The following LINGO2 variants were observed in gnomAD, a reference collection of about 807,000 sequenced individuals.
The protein encoded by LINGO2 is leucine-rich repeat and immunoglobulin-like domain-containing nogo receptor-interacting protein 2.
In LINGO2, 14 loss-of-function variants were observed where a neutral mutation model predicts 30.6. That is an observed-to-expected ratio of 0.46 (90% CI 0.30 to 0.72). The LOEUF is 0.72. Ranked by LOEUF, LINGO2 falls within the 30% of genes least tolerant of loss-of-function variation. LINGO2 has a pLI of 0.07. For missense variants in LINGO2, 729 were observed against 751.7 expected (o/e 0.97, Z 0.35); for synonymous variants, 317 against 288.5 (o/e 1.10, Z -1.00).
chr9:28,525,570 C>T (rs1820992842), intron 1 of LINGO2, among the ~76,000 whole-genome samples: 2 of 152,058 alleles, frequency 1.3e-5, no homozygotes, highest in Admixed American at 1.3e-4. Context: ...TCACAAAAGA[C>T]CACATATTGC....
At chr9:28,230,802 G>A (rs1382908663) in intron 4 of LINGO2, among the ~76,000 whole-genome samples, 1 of 151,676 alleles carries the variant, frequency 6.6e-6, no homozygotes, top group Admixed American at 6.6e-5. Context: ...ACAGTGCTTT[G>A]TTTTTTCAAC....
chr9:28,663,211 C>T (rs1207310873), intron 1 of LINGO2, among the ~76,000 whole-genome samples: 1 of 152,042 alleles, frequency 6.6e-6, no homozygotes, highest in Non-Finnish European at 1.5e-5. Context: ...CACTCTGTTG[C>T]CCAGGCTGGA....
chr9:27,953,863 G>C (rs1819435413), intron 5 of LINGO2, among the ~76,000 whole-genome samples: 1 of 152,080 alleles, frequency 6.6e-6, no homozygotes, highest in African/African-American at 2.4e-5. Flanking sequence ...ACATTTGTAT[G>C]AACATATTTT....
At chr9:28,848,289 A>G in the LINGO2 span, among the ~76,000 whole-genome samples, 5,572 of 60,156 alleles carry the variant, frequency 0.093, 789 homozygotes, top group African/African-American at 0.39. Flanking sequence ...TACACTATGC[A>G]TATATATATA....
chr9:28,087,887 T>C (rs955379007), intron 4 of LINGO2, among the ~76,000 whole-genome samples: 2 of 152,072 alleles, frequency 1.3e-5, no homozygotes, highest in Non-Finnish European at 2.9e-5. Context: ...CTACCTAAGA[T>C]ACTTTAGTAC....
chr9:28,897,617 C>T, the LINGO2 span, among the ~76,000 whole-genome samples: 1 of 152,056 alleles, frequency 6.6e-6, no homozygotes, highest in Non-Finnish European at 1.5e-5. Context: ...AATTCTGGCT[C>T]TGATATTTTC....
At chr9:28,504,620 C>T (rs1417897234) in intron 1 of LINGO2, among the ~76,000 whole-genome samples, 1 of 151,278 alleles carries the variant, frequency 6.6e-6, no homozygotes, top group East Asian at 1.9e-4. Context: ...AATGCATTAG[C>T]TTCATCATTA....
At chr9:28,728,619 G>A in the LINGO2 span, among the ~76,000 whole-genome samples, 2 of 151,746 alleles carry the variant, frequency 1.3e-5, no homozygotes, top group East Asian at 1.9e-4. Context: ...TATAATGGAC[G>A]GAAAAAAACA....
chr9:29,203,232 G>A, the LINGO2 span, among the ~76,000 whole-genome samples: 1 of 152,076 alleles, frequency 6.6e-6, no homozygotes, highest in African/African-American at 2.4e-5. Flanking sequence ...ACTTTAGTTA[G>A]ATAGAATGAG....
chr9:28,056,751 A>G (rs141899333), intron 4 of LINGO2, among the ~76,000 whole-genome samples: 1 of 152,186 alleles, frequency 6.6e-6, no homozygotes, highest in African/African-American at 2.4e-5. Flanking sequence ...CGTCACTTGC[A>G]ACTCCAAAGA....
At chr9:28,591,532 T>A (rs1284126970) in intron 1 of LINGO2, among the ~76,000 whole-genome samples, 3 of 152,038 alleles carry the variant, frequency 2.0e-5, no homozygotes. Context: ...TACTCAGAGA[T>A]TGTTAATAAC....
chr9:28,402,016 T>C (rs369264161), intron 2 of LINGO2, among the ~76,000 whole-genome samples: 2 of 152,186 alleles, frequency 1.3e-5, no homozygotes, highest in East Asian at 3.9e-4. Flanking sequence ...TTAAGTGTTC[T>C]TTAGATTGAA....
At chr9:28,761,438 A>G in the LINGO2 span, among the ~76,000 whole-genome samples, 1 of 151,598 alleles carries the variant, frequency 6.6e-6, no homozygotes, top group East Asian at 2.0e-4. Flanking sequence ...AAGAGCTTAA[A>G]GTTTGATAGA....
chr9:28,602,556 C>T (rs146448861), intron 1 of LINGO2, among the ~76,000 whole-genome samples: 26 of 151,958 alleles, frequency 1.7e-4, no homozygotes, highest in African/African-American at 5.1e-4. Flanking sequence ...TTCTTAAAAC[C>T]GCCTATGCAT....
intron 5 of LINGO2, among the ~76,000 whole-genome samples, chr9:27,958,194 A>T (rs1819671649): frequency 6.6e-6 from 1 of 152,214 alleles, no homozygotes; most frequent in Admixed American, 6.5e-5. Flanking sequence ...TTCTGTATCT[A>T]TGGAGATGAT....
chr9:28,286,303 A>G (rs772621360), intron 4 of LINGO2, among the ~76,000 whole-genome samples: 40 of 152,200 alleles, frequency 2.6e-4, no homozygotes, highest in South Asian at 4.1e-4. Flanking sequence ...AAAAAGTCAA[A>G]AAATAACAGA....
chr9:28,727,725 TAGAGTGGGA>T, the LINGO2 span, among the ~76,000 whole-genome samples: 1 of 152,234 alleles, frequency 6.6e-6, no homozygotes, highest in African/African-American at 2.4e-5. Context: ...TTTTGAAACA[TAGAGTGGGA>T]AGGCTGTAGT....
intron 4 of LINGO2, among the ~76,000 whole-genome samples, chr9:28,134,543 G>A (rs984200223): frequency 2.6e-5 from 4 of 152,236 alleles, no homozygotes; most frequent in Non-Finnish European, 4.4e-5. Context: ...AGGGCACCTG[G>A]CTGGTAAGTG....
At chr9:28,277,407 C>T (rs1823154896) in intron 4 of LINGO2, among the ~76,000 whole-genome samples, 1 of 152,096 alleles carries the variant, frequency 6.6e-6, no homozygotes, top group Non-Finnish European at 1.5e-5. Context: ...CTCCCTATTC[C>T]CTGAGACACA....
Sources: gnomAD v4.1 joint callset for allele counts (sites outside exome capture counted in the v4.1 genomes callset) on GRCh38, gnomAD v4.1.1 for gene constraint, MANE v1.5 for transcripts, NCBI Gene and HGNC (gene_info 2026-07-23, HGNC 2026-07-21) for gene names.